The following SORCS2 variants were observed in gnomAD, a reference collection of about 807,000 sequenced individuals.
SORCS2 encodes the protein sortilin related VPS10 domain containing receptor 2.
SORCS2 carries 100 observed loss-of-function variants against 141.6 expected under a neutral mutation model. The ratio of observed to expected loss-of-function variants is 0.71; its 90% CI spans 0.60 to 0.83. SORCS2 has a LOEUF of 0.83. Among genes scored for constraint, SORCS2 ranks in the 40% least tolerant of loss-of-function variants. The pLI is 0.00. For synonymous variants in SORCS2, 789 were observed against 676.9 expected, an observed-to-expected ratio of 1.17 and a Z score of -2.57; for missense variants, 1,646 against 1,560.2, an observed-to-expected ratio of 1.05 and a Z score of -0.93.
chr4:7,233,146 G>A lies in SORCS2; in HGVS notation c.480+40020G>A, dbSNP rs1029106178. ...GGGCTGGGCACAGGCGAGTCCCCAA[G>A]GTACCCGAGGGAGGCCAGGTACTGT... On this transcript the variant is annotated intron_variant, in intron 1 of 26. Coordinates refer to ENST00000507866, the MANE Select transcript of SORCS2 (RefSeq NM_020777.3). This position sits in a 1 kb window ranked among gnomAD's most constrained non-coding sequence, Gnocchi z 4.5. 4.6e-5 allele frequency among the ~76,000 whole-genome samples: 7 copies of A among 152,172 alleles called. No individual in the cohort carries two copies. Among genetic ancestry groups the A allele is most frequent in the African/African-American group, 1.7e-4 (7 of 41,428 alleles).
At chr4:7,219,294 C>A (rs1167400813) in intron 1 of SORCS2, among the ~76,000 whole-genome samples, 1 of 152,006 alleles carries the variant, frequency 6.6e-6, no homozygotes, top group Non-Finnish European at 1.5e-5. Context: ...GTGTCAATAT[C>A]CCCCAAACCC....
intron 2 of SORCS2, among the ~76,000 whole-genome samples, chr4:7,453,817 T>G (rs566918693): frequency 7.7e-6 from 1 of 129,330 alleles, no homozygotes; most frequent in African/African-American, 3.1e-5. Flanking sequence ...GGTCAGGTGC[T>G]GTGTTGGGGC....
chr4:7,696,926 C>A (rs920302327), intron 11 of SORCS2, among the ~76,000 whole-genome samples: 2 of 152,224 alleles, frequency 1.3e-5, no homozygotes, highest in Non-Finnish European at 2.9e-5. Context: ...ATTTGTGGAC[C>A]ACACTGGTGG....
chr4:7,457,210 C>G (rs1728970249), intron 2 of SORCS2, among the ~76,000 whole-genome samples: 1 of 152,216 alleles, frequency 6.6e-6, no homozygotes, highest in African/African-American at 2.4e-5. Flanking sequence ...ATTCTGTCTT[C>G]CCAGCCGCCA....
chr4:7,257,572 A>T (rs913431805), intron 1 of SORCS2, among the ~76,000 whole-genome samples: 1 of 152,046 alleles, frequency 6.6e-6, no homozygotes, highest in Non-Finnish European at 1.5e-5. Flanking sequence ...CAGATGTTCA[A>T]ATAGCTTGTG....
intron 1 of SORCS2, among the ~76,000 whole-genome samples, chr4:7,294,667 C>CCCT (rs138190603): frequency 3.2e-5 from 3 of 94,100 alleles, no homozygotes; most frequent in African/African-American, 4.7e-5. Flanking sequence ...CTCTTCCTCT[C>CCCT]CCTCCTCCTC....
At chr4:7,647,476 C>T (rs762186749) in intron 4 of SORCS2, among the ~76,000 whole-genome samples, 6 of 152,146 alleles carry the variant, frequency 3.9e-5, no homozygotes, top group South Asian at 2.1e-4. Context: ...CTGAAGACAC[C>T]GTGGAGGCGG....
chr4:7,272,857 T>C (rs1715238288), intron 1 of SORCS2, among the ~76,000 whole-genome samples: 1 of 152,270 alleles, frequency 6.6e-6, no homozygotes, highest in South Asian at 2.1e-4. Flanking sequence ...AGAGCATTCC[T>C]GCTCCAACTT....
intron 1 of SORCS2, among the ~76,000 whole-genome samples, chr4:7,346,677 A>G (rs538151343): frequency 5.9e-4 from 90 of 152,304 alleles, no homozygotes; most frequent in African/African-American, 2.0e-3. Context: ...TCCTTCTTTC[A>G]ATTCTGTCAG....
At chr4:7,592,127 G>A (rs1449936153) in intron 3 of SORCS2, among the ~76,000 whole-genome samples, 3 of 152,142 alleles carry the variant, frequency 2.0e-5, no homozygotes, top group African/African-American at 7.2e-5. Flanking sequence ...TTCGAGTTTG[G>A]CTCTCTCGAC....
chr4:7,535,666 C>A (rs534087438), intron 3 of SORCS2, among the ~76,000 whole-genome samples: 1 of 152,250 alleles, frequency 6.6e-6, no homozygotes, highest in Non-Finnish European at 1.5e-5. Context: ...GAAACACTGA[C>A]GCCCTCCTGG....
rs748593610 is a variant in SORCS2 at position 7,740,308 on chromosome 4, C to A, written c.*44C>A. ...CTTTTCACCCACGGAGGGCACAGAACCACCAGCAAAGCCGGCGGCTGGACT... is the reference window on the plus strand; with the variant it reads ...CTTTTCACCCACGGAGGGCACAGAAACACCAGCAAAGCCGGCGGCTGGACT... On this transcript the variant is annotated 3_prime_UTR_variant, in exon 27 of 27. Coordinates refer to ENST00000507866, the MANE Select transcript of SORCS2 (RefSeq NM_020777.3). 29 of 1,577,294 alleles carry A rather than the reference C, an allele frequency of 1.8e-5. No homozygotes were observed. The highest frequency in any genetic ancestry group is 2.2e-5 in the Non-Finnish European group (26 of 1,156,070).
chr4:7,708,665 G>A (rs1031255631), intron 14 of SORCS2, among the ~76,000 whole-genome samples: 5 of 152,236 alleles, frequency 3.3e-5, no homozygotes, highest in Non-Finnish European at 7.3e-5. Flanking sequence ...TCCTGCGACA[G>A]GGGCTGCAAC....
intron 3 of SORCS2, among the ~76,000 whole-genome samples, chr4:7,582,131 T>C (rs1172182402): frequency 6.6e-6 from 1 of 152,210 alleles, no homozygotes; most frequent in Non-Finnish European, 1.5e-5. Context: ...TATTATGCCA[T>C]TTATAGGCAT....
At chr4:7,223,821 C>G (rs1300221575) in intron 1 of SORCS2, among the ~76,000 whole-genome samples, 1 of 152,110 alleles carries the variant, frequency 6.6e-6, no homozygotes, top group Non-Finnish European at 1.5e-5. Flanking sequence ...GTTATCCACC[C>G]CTGGAATCTG....
intron 2 of SORCS2, among the ~76,000 whole-genome samples, chr4:7,519,812 C>T (rs550636018): frequency 8.5e-5 from 13 of 152,264 alleles, no homozygotes; most frequent in South Asian, 6.2e-4. Context: ...TCCCAGAGGG[C>T]GCACATGGGG....
intron 2 of SORCS2, among the ~76,000 whole-genome samples, chr4:7,528,629 T>C (rs1418264620): frequency 6.6e-6 from 1 of 152,112 alleles, no homozygotes; most frequent in Non-Finnish European, 1.5e-5. Context: ...TTTCACCATG[T>C]TGGCCAGTCT....
chr4:7,623,356 G>A (rs1370544555), intron 3 of SORCS2, among the ~76,000 whole-genome samples: 1 of 151,880 alleles, frequency 6.6e-6, no homozygotes, highest in Non-Finnish European at 1.5e-5. Context: ...GTCAATCAGT[G>A]GGGCTTTGAA....
intron 1 of SORCS2, among the ~76,000 whole-genome samples, chr4:7,267,043 G>A (rs576319694): frequency 4.8e-4 from 73 of 152,198 alleles, no homozygotes; most frequent in Middle Eastern, 3.4e-3. Context: ...GCTGCTATTG[G>A]TACCAGCCTG....
Sources: gnomAD v4.1 joint callset for allele counts (sites outside exome capture counted in the v4.1 genomes callset) on GRCh38, gnomAD v4.1.1 for gene constraint, Gnocchi (gnomAD v3.1) non-coding constraint, MANE v1.5 for transcripts, NCBI Gene and HGNC (gene_info 2026-07-23, HGNC 2026-07-21) for gene names.